The following USP20 variants were observed in gnomAD, a reference collection of about 807,000 sequenced individuals.
The protein encoded by USP20 is ubiquitin carboxyl-terminal hydrolase 20.
A neutral mutation model predicts 124.2 loss-of-function variants in USP20; 80 were observed. The observed-to-expected ratio is 0.64, with a 90% CI of 0.54 to 0.78. USP20 has a LOEUF of 0.78. Ranked by LOEUF, USP20 falls within the 30% of genes least tolerant of loss-of-function variation. USP20 has a pLI of 0.00. For synonymous variants in USP20, 481 were observed against 512.3 expected (o/e 0.94, Z 0.83); for missense variants, 1,043 against 1,244.4 (o/e 0.84, Z 2.44).
intron 1 of USP20, among the ~76,000 whole-genome samples, chr9:129,846,142 G>A (rs887375199): frequency 1.3e-5 from 2 of 149,230 alleles, no homozygotes; most frequent in Non-Finnish European, 3.0e-5. Context: ...TGTTAGCCAG[G>A]ATGATCTTGA....
At chr9:129,838,977 TG>T (rs2032036245) in intron 1 of USP20, among the ~76,000 whole-genome samples, 1 of 152,146 alleles carries the variant, frequency 6.6e-6, no homozygotes, top group Non-Finnish European at 1.5e-5. Flanking sequence ...AGCAGAAAAA[TG>T]CTCTGAAGAA....
intron 8 of USP20, 55 bp downstream of exon 8, chr9:129,861,667 A>G (rs570610151): frequency 6.4e-7 from 1 of 1,564,370 alleles, no homozygotes; most frequent in South Asian, 1.1e-5. Flanking sequence ...AGCCCCGGAA[A>G]CAGCAGCAGT....
Position 129,875,637 on chromosome 9 carries a change from A to G in USP20, c.2296A>G (p.Asn766Asp). ...CCAGAACGTCTGGGAGCACCTGTAC[A>G]ACAGGTGAGAGCCTGGGAGGCCAAC... ...LPQNVWEHLY[N>D]RFGGGPAVNH... The change falls in exon 21 of 26, where the codon AAC becomes GAC. Residue 766 changes from asparagine (N) to aspartate (D), a missense_variant. Physicochemically the swap from Asn to Asp is conservative, Grantham distance 23 (BLOSUM62 1). Transcript: ENST00000372429. 6.2e-7 allele frequency: 1 copy of G among 1,613,718 alleles called. No individual in the cohort carries two copies. Among genetic ancestry groups the G allele is most frequent in the Non-Finnish European group, 8.5e-7 (1 of 1,179,848 alleles).
rs1020100708 is a variant in USP20 at position 129,858,567 on chromosome 9, T to C, written c.299T>C (p.Leu100Pro). Residue 100 changes from leucine to proline, a missense_variant, in exon 6 of 26, where the codon CTG becomes CCG. Transcript: ENST00000372429. ...VFLEQRLAAP[L>P]LGSSSKFSEQ... ...CTGGAGCAGCGGCTGGCAGCCCCTC[T>C]GCTGGGCTCCTCTTCCAAGTTCTCT... is the stretch of plus-strand genomic sequence containing the variant. 6.2e-7 allele frequency: 1 copy of C among 1,614,010 alleles called. No individual in the cohort carries two copies. Among genetic ancestry groups the C allele is most frequent in the Non-Finnish European group, 8.5e-7 (1 of 1,180,008 alleles).
rs930451480 is a variant in USP20 at position 129,871,708 on chromosome 9, T to TTTTTG, written c.1660+1181_1660+1185dup. Among the ~76,000 whole-genome samples the TTTTTG allele has an allele frequency of 6.6e-5, 10 of 152,262 alleles. No individual in the cohort carries two copies. In the East Asian group the frequency reaches 9.6e-4, roughly 15 times the overall value. On this transcript the variant is annotated intron_variant, in intron 15 of 25. Coordinates refer to ENST00000372429, the MANE Select transcript of USP20 (RefSeq NM_001110303.4). ...TGAGGTGGTATCTCATTGTGCGTTT[T>TTTTTG]TTTTGTTTTGTTTTGTTTTGTTTTT...
At position 129,852,559 on chromosome 9, in the gene USP20, G is replaced by C. The variant is rs1333807802; in HGVS notation, c.4G>C (p.Gly2Arg). ...TCATAGGTGAGCCCAGGCCAGGATG[G>C]GGGACTCCAGGGACCTTTGCCCTCA... is the stretch of plus-strand genomic sequence containing the variant. M[G>R]DSRDLCPHLD... The change falls in exon 3 of 26, where the codon GGG (glycine) becomes CGG (arginine). Residue 2 changes from glycine (G) to arginine (R), a missense_variant. By Grantham distance (125) the Gly-to-Arg change is moderately radical. Coordinates refer to ENST00000372429, the MANE Select transcript of USP20 (RefSeq NM_001110303.4). 6.3e-7 allele frequency: 1 copy of C among 1,594,848 alleles called. No individual in the cohort carries two copies. Among genetic ancestry groups the C allele is most frequent in the South Asian group, 1.1e-5 (1 of 87,920 alleles).
chr9:129,861,270 C>T (rs10739759), intron 7 of USP20, among the ~76,000 whole-genome samples: 133,527 of 152,242 alleles, frequency 0.88, 58,950 homozygotes, highest in East Asian at 1. Context: ...CTGGGCAGGC[C>T]GACCCCTCTG....
chr9:129,879,501 G>A lies in USP20; in HGVS notation c.2513-72G>A, dbSNP rs2034549640. Reference sequence around the variant, plus strand: ...CCCAGGCCTGGGGCGGCCCCACTTGGGATGGCTCTGCTGCTGTGGAGGGTG... The same window carrying A: ...CCCAGGCCTGGGGCGGCCCCACTTGAGATGGCTCTGCTGCTGTGGAGGGTG... On this transcript the variant is annotated intron_variant, in intron 23 of 25. Coordinates refer to ENST00000372429, the MANE Select transcript of USP20 (RefSeq NM_001110303.4). The surrounding 1 kb of genome is among the most constrained non-coding windows in gnomAD (Gnocchi z 4.2). 2 of 1,554,970 alleles carry A rather than the reference G, an allele frequency of 1.3e-6. No homozygotes were observed. Among genetic ancestry groups the A allele is most frequent in the Admixed American group, 3.4e-5 (2 of 58,408 alleles).
At position 129,855,786 on chromosome 9, in the gene USP20, G is replaced by A. The variant is rs78617045; in HGVS notation, c.82-521G>A. ...GGAGAGAAAGGATTCCAGTAGACAC[G>A]GAGCAGGCTTTGACGCCCAGACCGC... On this transcript the variant is annotated intron_variant, in intron 3 of 25. Coordinates refer to ENST00000372429, the MANE Select transcript of USP20 (RefSeq NM_001110303.4). Among the ~76,000 whole-genome samples the A allele has an allele frequency of 6.0e-3, 909 of 152,292 alleles. 8 individuals carry two copies. Among genetic ancestry groups the A allele is most frequent in the African/African-American group, 0.02 (829 of 41,548 alleles).
At chr9:129,848,221 G>A (rs567571675) in intron 1 of USP20, among the ~76,000 whole-genome samples, 2 of 152,184 alleles carry the variant, frequency 1.3e-5, no homozygotes, top group Non-Finnish European at 2.9e-5. Context: ...GCTTGAACCC[G>A]GGAGGCGGAG....
intron 2 of USP20, among the ~76,000 whole-genome samples, chr9:129,852,111 T>C (rs1289231484): frequency 6.6e-6 from 1 of 152,188 alleles, no homozygotes; most frequent in Admixed American, 6.5e-5. Flanking sequence ...ACCCAGCCTT[T>C]CTACACTGCC....
chr9:129,837,922 T>G (rs2031959236), intron 1 of USP20, among the ~76,000 whole-genome samples: 2 of 152,164 alleles, frequency 1.3e-5, no homozygotes, highest in African/African-American at 2.4e-5. Flanking sequence ...GTGGGGTATT[T>G]AACAGTGATG....
At chr9:129,867,262 G>A (rs1043984087) in intron 10 of USP20, among the ~76,000 whole-genome samples, 1 of 152,168 alleles carries the variant, frequency 6.6e-6, no homozygotes, top group African/African-American at 2.4e-5. Flanking sequence ...ACAGATCTCA[G>A]TGGGGCTCAC....
In USP20 at chr9:129,839,930, C is replaced by T. The variant is rs530614941; in HGVS notation, c.-129+4431C>T. Among the ~76,000 whole-genome samples the T allele has an allele frequency of 5.0e-4, 76 of 152,272 alleles. No individual in the cohort carries two copies. In the South Asian group the frequency reaches 0.015, roughly 31 times the overall value. On this transcript the variant is annotated intron_variant, in intron 1 of 25. Coordinates refer to ENST00000372429, the MANE Select transcript of USP20 (RefSeq NM_001110303.4). This position sits in a 1 kb window ranked among gnomAD's most constrained non-coding sequence, Gnocchi z 4.5. Reference sequence around the variant, plus strand: ...GTGGGTGGAGTGGCACTTTCCCCCACCCTGGAGGCCCAGGGAAGGAAAGCT... The same window carrying T: ...GTGGGTGGAGTGGCACTTTCCCCCATCCTGGAGGCCCAGGGAAGGAAAGCT...
chr9:129,854,644 T>TA (rs1002002695), intron 3 of USP20, among the ~76,000 whole-genome samples: 2 of 34,834 alleles, frequency 5.7e-5, no homozygotes, highest in Admixed American at 7.3e-4. Context: ...ATAACTGAAA[T>TA]GGAAAAAAAA....
chr9:129,865,876 T>C (rs1448097204), intron 10 of USP20, among the ~76,000 whole-genome samples: 1 of 152,190 alleles, frequency 6.6e-6, no homozygotes, highest in African/African-American at 2.4e-5. Context: ...GCCTCCGCGT[T>C]GCACCCAAAA....
At chr9:129,840,332 C>T (rs2032128387) in intron 1 of USP20, among the ~76,000 whole-genome samples, 1 of 152,166 alleles carries the variant, frequency 6.6e-6, no homozygotes, top group African/African-American at 2.4e-5. Context: ...CCTTCCATTC[C>T]TCCTCTGTGA....
Position 129,873,585 on chromosome 9 carries a change from T to C in USP20, c.1694+70T>C, listed in dbSNP as rs886114773. ...GCCCTACATATTCCCCTTGGGTTCC[T>C]GCAGAGAGCCCCCTATAATCCTGCC... On this transcript the variant is annotated intron_variant, in intron 16 of 25. Transcript: ENST00000372429. 4.3e-6 allele frequency: 7 copies of C among 1,613,210 alleles called. No homozygotes were observed. The African/African-American group carries it at 6.7e-5, about 15-fold the overall frequency.
At chr9:129,871,571 T>A (rs1252126627) in intron 15 of USP20, among the ~76,000 whole-genome samples, 1 of 152,198 alleles carries the variant, frequency 6.6e-6, no homozygotes, top group Non-Finnish European at 1.5e-5. Flanking sequence ...GGTTCCACAG[T>A]GGCCACCCCA....
Sources: allele counts gnomAD v4.1 joint callset (sites outside exome capture counted in the v4.1 genomes callset), GRCh38; gene constraint gnomAD v4.1.1; non-coding constraint Gnocchi (gnomAD v3.1); transcripts MANE v1.5; gene names NCBI Gene and HGNC (gene_info 2026-07-23, HGNC 2026-07-21).